CAMK4: variants seen among roughly 807,000 people sequenced by gnomAD.
CAMK4 encodes calcium/calmodulin-dependent protein kinase type IV.
A neutral mutation model predicts 44.9 loss-of-function variants in CAMK4; 22 were observed. That is an observed-to-expected ratio of 0.49 (90% CI 0.35 to 0.70). The LOEUF (loss-of-function observed/expected upper bound fraction) is 0.70. Among genes scored for constraint, CAMK4 ranks in the 30% least tolerant of loss-of-function variants. The pLI is 0.01. For missense variants in CAMK4, 498 were observed against 586.8 expected (o/e 0.85, Z 1.56); for synonymous variants, 218 against 215.4 (o/e 1.01, Z -0.11).
intron 1 of CAMK4, among the ~76,000 whole-genome samples, chr5:111,269,015 G>A (rs550104844): frequency 2.6e-4 from 39 of 152,324 alleles, no homozygotes; most frequent in African/African-American, 9.4e-4. Context: ...GTGATGTAGG[G>A]ATATATGACT....
At chr5:111,264,948 C>A (rs940436357) in intron 1 of CAMK4, among the ~76,000 whole-genome samples, 1 of 152,120 alleles carries the variant, frequency 6.6e-6, no homozygotes, top group Non-Finnish European at 1.5e-5. Flanking sequence ...CCTTTCAGTA[C>A]AAATGTCCCC....
At chr5:111,352,840 A>G (rs1750171800) in intron 2 of CAMK4, among the ~76,000 whole-genome samples, 1 of 152,082 alleles carries the variant, frequency 6.6e-6, no homozygotes, top group African/African-American at 2.4e-5. Flanking sequence ...CACAGCATTG[A>G]GGATCAAATT....
chr5:111,274,542 G>A (rs186774332), intron 1 of CAMK4, among the ~76,000 whole-genome samples: 34 of 152,254 alleles, frequency 2.2e-4, no homozygotes, highest in African/African-American at 7.9e-4. Context: ...CAATGCCACA[G>A]TGAACATCTT....
chr5:111,422,479 G>A (rs560772866), intron 5 of CAMK4, among the ~76,000 whole-genome samples: 12 of 152,326 alleles, frequency 7.9e-5, no homozygotes, highest in African/African-American at 2.9e-4. Flanking sequence ...AACCACAACA[G>A]GTAGGTATCT....
At chr5:111,313,485 A>T (rs1403660775) in intron 1 of CAMK4, among the ~76,000 whole-genome samples, 2 of 152,232 alleles carry the variant, frequency 1.3e-5, no homozygotes, top group Non-Finnish European at 2.9e-5. Flanking sequence ...CTAGGTGGCA[A>T]TGAGTAAAGC....
chr5:111,240,496 T>C (rs1437880584), intron 1 of CAMK4, among the ~76,000 whole-genome samples: 1 of 152,240 alleles, frequency 6.6e-6, no homozygotes, highest in African/African-American at 2.4e-5. Flanking sequence ...TCCAGTTTCA[T>C]CTTACATTTC....
At chr5:111,442,394 G>T (rs1753855814) in intron 5 of CAMK4, among the ~76,000 whole-genome samples, 1 of 152,106 alleles carries the variant, frequency 6.6e-6, no homozygotes, top group Non-Finnish European at 1.5e-5. Context: ...GCACTCGGAA[G>T]GCTGAGGCAG....
At chr5:111,334,600 AAAG>A (rs1388865552) in intron 1 of CAMK4, among the ~76,000 whole-genome samples, 2 of 151,626 alleles carry the variant, frequency 1.3e-5, no homozygotes, top group South Asian at 2.1e-4. Context: ...AAGTCAATAA[AAAG>A]AAGAGCTTAT....
At chr5:111,452,580 T>G (rs1194972928) in intron 7 of CAMK4, among the ~76,000 whole-genome samples, 3 of 152,222 alleles carry the variant, frequency 2.0e-5, no homozygotes, top group African/African-American at 7.2e-5. Context: ...TCTCAGCAGA[T>G]GACATGTTCA....
chr5:111,439,258 G>T (rs951660741), intron 5 of CAMK4, among the ~76,000 whole-genome samples: 9 of 152,166 alleles, frequency 5.9e-5, no homozygotes, highest in African/African-American at 1.9e-4. Flanking sequence ...TACTCTTGTG[G>T]CAGTGCGAAG....
chr5:111,340,477 A>G lies in CAMK4; in HGVS notation c.162-3547A>G, dbSNP rs550341693. On this transcript the variant is annotated intron_variant, in intron 1 of 10. Transcript: ENST00000282356. ...TTTTTCTGCATCTATTGAGATGATCATGTGATTTGTCTTTCATTTTGTTAG... is the reference window on the plus strand; with the variant it reads ...TTTTTCTGCATCTATTGAGATGATCGTGTGATTTGTCTTTCATTTTGTTAG... Among the ~76,000 whole-genome samples, 137 of 151,512 alleles carry G rather than the reference A, an allele frequency of 9.0e-4. 1 individual carries two copies. The highest frequency in any genetic ancestry group is 3.0e-3 in the African/African-American group (123 of 41,468).
intron 1 of CAMK4, chr5:111,269,909 A>G (rs1372235951): frequency 6.6e-6 from 1 of 152,206 alleles, no homozygotes; most frequent in East Asian, 1.9e-4. Context: ...CCCACATCCA[A>G]TTGGATGTTT....
At chr5:111,477,773 G>A (rs1424987472) in intron 8 of CAMK4, among the ~76,000 whole-genome samples, 3 of 152,130 alleles carry the variant, frequency 2.0e-5, no homozygotes, top group Non-Finnish European at 4.4e-5. Flanking sequence ...GTCATTGCCT[G>A]ACAATAGTTT....
At chr5:111,367,738 T>C (rs1468840738) in intron 2 of CAMK4, among the ~76,000 whole-genome samples, 1 of 152,054 alleles carries the variant, frequency 6.6e-6, no homozygotes, top group Non-Finnish European at 1.5e-5. Context: ...AATGGAAAAG[T>C]TAACCCATGG....
chr5:111,362,960 C>T (rs1047701294), intron 2 of CAMK4, among the ~76,000 whole-genome samples: 2 of 152,080 alleles, frequency 1.3e-5, no homozygotes, highest in Non-Finnish European at 2.9e-5. Flanking sequence ...TTTAATCACT[C>T]TGGTTGTGTT....
intron 1 of CAMK4, among the ~76,000 whole-genome samples, chr5:111,292,819 T>C (rs1465443777): frequency 6.6e-6 from 1 of 151,980 alleles, no homozygotes; most frequent in Admixed American, 6.5e-5. Flanking sequence ...TAGTTCTAGC[T>C]ACTTGGGAGG....
chr5:111,472,734 G>A (rs1045291640), intron 7 of CAMK4, among the ~76,000 whole-genome samples: 2 of 152,076 alleles, frequency 1.3e-5, no homozygotes, highest in African/African-American at 2.4e-5. Context: ...GGGATCAGCT[G>A]CTCTCTGGAG....
intron 1 of CAMK4, among the ~76,000 whole-genome samples, chr5:111,250,832 T>A (rs1191905078): frequency 2.0e-5 from 3 of 152,172 alleles, no homozygotes; most frequent in Admixed American, 1.3e-4. Context: ...TATGTAGAGA[T>A]GGAATCTCCC....
chr5:111,255,568 T>C (rs1749704143), intron 1 of CAMK4, among the ~76,000 whole-genome samples: 1 of 152,170 alleles, frequency 6.6e-6, no homozygotes. Flanking sequence ...GATCTAAAGT[T>C]CCCTAAGATC....
Sources: allele counts gnomAD v4.1 joint callset (sites outside exome capture counted in the v4.1 genomes callset), GRCh38; gene constraint gnomAD v4.1.1; transcripts MANE v1.5; gene names NCBI Gene and HGNC (gene_info 2026-07-23, HGNC 2026-07-21).